Variants in PRKD2 observed in about 807,000 individuals in gnomAD.
The protein encoded by PRKD2 is serine/threonine-protein kinase D2.
A neutral mutation model predicts 86.0 loss-of-function variants in PRKD2; 22 were observed. The ratio of observed to expected loss-of-function variants is 0.26; its 90% confidence interval spans 0.18 to 0.37. The LOEUF is 0.37. Among genes scored for constraint, PRKD2 ranks in the 10% least tolerant of loss-of-function variants. PRKD2 has a pLI of 1.00. For missense variants in PRKD2, 818 were observed against 1,199.2 expected (o/e 0.68, Z 4.70); for synonymous variants, 509 against 510.9 (o/e 1.00, Z 0.05).
In PRKD2 at chr19:46,713,922, T is replaced by C; in HGVS notation, c.320A>G (p.Gln107Arg). The change falls in exon 2 of 18, where the codon CAG becomes CGG. Residue 107 changes from glutamine to arginine, a missense_variant. Around this residue, in one of 5 missense-constraint regions of PRKD2, gnomAD observed 403 missense variants for 518.6 expected, o/e 0.78. Transcript: ENST00000291281. ...GATGTCTCCGGACGAGCGCACCAGC[T>C]GCAGGAGGTTGGCCGACGTGGGGTC... ...KHDPTSANLL[Q>R]LVRSSGDIQE... The C allele has an allele frequency of 3.1e-6, 5 of 1,612,660 alleles. No individual in the cohort carries two copies. The highest frequency in any genetic ancestry group is 4.2e-6 in the Non-Finnish European group (5 of 1,179,464).
intron 2 of PRKD2, among the ~76,000 whole-genome samples, chr19:46,711,341 C>T (rs539380428): frequency 6.6e-6 from 1 of 152,158 alleles, no homozygotes; most frequent in East Asian, 1.9e-4. Context: ...CAACAGTGTG[C>T]GTGAACTTTA....
intron 1 of PRKD2, 85 bp from the exon 2 acceptor site, chr19:46,714,086 G>A: frequency 2.7e-6 from 4 of 1,502,128 alleles, no homozygotes; most frequent in Non-Finnish European, 2.7e-6. Flanking sequence ...CCAGGGCAGG[G>A]CCGGCTGTTT....
intron 9 of PRKD2, among the ~76,000 whole-genome samples, chr19:46,696,690 G>C (rs1178826007): frequency 6.6e-6 from 1 of 152,112 alleles, no homozygotes; most frequent in Non-Finnish European, 1.5e-5. Context: ...GGGAAGCGGA[G>C]GTTGCAGTGA....
chr19:46,698,391 G>C (rs962722892), intron 7 of PRKD2, among the ~76,000 whole-genome samples: 2 of 152,140 alleles, frequency 1.3e-5, no homozygotes, highest in Non-Finnish European at 2.9e-5. Flanking sequence ...TCTGTAGTAG[G>C]CCTTTCTGAA....
chr19:46,712,221 G>A (rs1437955546), intron 2 of PRKD2, among the ~76,000 whole-genome samples: 1 of 151,954 alleles, frequency 6.6e-6, no homozygotes. Flanking sequence ...TCCAGCCTGG[G>A]TGACAGAACA....
At chr19:46,687,317 G>A (rs975702120) in intron 14 of PRKD2, among the ~76,000 whole-genome samples, 11 of 151,994 alleles carry the variant, frequency 7.2e-5, no homozygotes, top group Admixed American at 1.3e-4. Context: ...GCTTGAACCC[G>A]GGAGGTCAAG....
At chr19:46,691,117 T>C (rs978907684) in intron 12 of PRKD2, among the ~76,000 whole-genome samples, 6 of 152,108 alleles carry the variant, frequency 3.9e-5, no homozygotes, top group Middle Eastern at 3.2e-3. Flanking sequence ...CCCTGTCCTA[T>C]TGAACTCTAG....
At chr19:46,703,900 C>T (rs550237517) in intron 5 of PRKD2, among the ~76,000 whole-genome samples, 100 of 151,548 alleles carry the variant, frequency 6.6e-4, no homozygotes, top group African/African-American at 1.4e-3. Flanking sequence ...GCCGTGATTG[C>T]GCCACTGCAC....
intron 10 of PRKD2, among the ~76,000 whole-genome samples, chr19:46,692,377 T>C (rs150126827): frequency 2.0e-5 from 3 of 151,852 alleles, no homozygotes; most frequent in African/African-American, 7.3e-5. Flanking sequence ...TCCCTTGAAC[T>C]TTTCCCCCTA....
In PRKD2 at chr19:46,680,941, TA is replaced by T. The variant is rs1160775862; in HGVS notation, c.2070+708del. On this transcript the variant is annotated intron_variant, in intron 15 of 17. Coordinates refer to ENST00000291281, the MANE Select transcript of PRKD2 (RefSeq NM_016457.5). ...GGGATAAACTATATATATATATATA[TA>T]TATATTTTTTTTTTTTTTTTTGAGA... is the stretch of plus-strand genomic sequence containing the variant. 8.7e-3 allele frequency among the ~76,000 whole-genome samples: 521 copies of T among 59,740 alleles called. 12 individuals are homozygous for T. Among genetic ancestry groups the T allele is most frequent in the African/African-American group, 0.019 (351 of 18,106 alleles). 39.2% of individuals were successfully genotyped at this position (59,740 alleles called of 152,430 possible). A position where few individuals can be genotyped will look rare whatever the true frequency, so the allele number is the denominator to read the frequency against.
intron 5 of PRKD2, among the ~76,000 whole-genome samples, chr19:46,702,860 A>G (rs953015831): frequency 6.6e-6 from 1 of 151,736 alleles, no homozygotes. Flanking sequence ...GCTAATTTTT[A>G]ATTTTTTTTG....
At chr19:46,699,797 T>C (rs1173801328) in intron 7 of PRKD2, among the ~76,000 whole-genome samples, 1 of 151,686 alleles carries the variant, frequency 6.6e-6, no homozygotes, top group African/African-American at 2.4e-5. Flanking sequence ...TAAAAATGTG[T>C]AGGCTGGGGG....
chr19:46,689,727 C>T (rs1449224291), intron 13 of PRKD2, 29 bp from the exon 14 acceptor site: 2 of 1,612,720 alleles, frequency 1.2e-6, no homozygotes, highest in African/African-American at 1.3e-5. Context: ...GGTCAGGGCC[C>T]AGGTAACCCA....
chr19:46,704,689 C>G, intron 3 of PRKD2, 40 bp from the exon 4 acceptor site: 1 of 1,558,258 alleles, frequency 6.4e-7, no homozygotes, highest in Non-Finnish European at 8.7e-7. Context: ...TGGCGTCTGC[C>G]CCTCCTAGGT....
At chr19:46,690,306 C>T (rs1270407533) in intron 13 of PRKD2, among the ~76,000 whole-genome samples, 2 of 152,182 alleles carry the variant, frequency 1.3e-5, no homozygotes, top group Non-Finnish European at 2.9e-5. Context: ...TGATCCTGCC[C>T]CTCCCTTGCT....
At chr19:46,680,535 C>T (rs566955948) in intron 15 of PRKD2, among the ~76,000 whole-genome samples, 7 of 151,912 alleles carry the variant, frequency 4.6e-5, no homozygotes, top group African/African-American at 1.7e-4. Context: ...GTGATCTGCC[C>T]GCCTCAGCCT....
rs530071832 is a variant in PRKD2, at chr19:46,714,036, GCTCAGAGCCGC to G, written c.241-46_241-36del. The G allele has an allele frequency of 4.0e-4, 649 of 1,604,842 alleles. 3 individuals carry two copies. The African/African-American group carries it at 7.9e-3, about 20-fold the overall frequency. ...GGGAGAGGGATGTGGCGACGGAAAAGCTCAGAGCCGCCTTCAGCAGCGGGCGGACTGTGACC... is the reference window on the plus strand; with the variant it reads ...GGGAGAGGGATGTGGCGACGGAAAAGCTTCAGCAGCGGGCGGACTGTGACC... On this transcript the variant is annotated intron_variant, in intron 1 of 17. Coordinates refer to ENST00000291281, the MANE Select transcript of PRKD2 (RefSeq NM_016457.5).
chr19:46,695,128 C>T (rs1220394580), intron 9 of PRKD2, among the ~76,000 whole-genome samples: 2 of 152,004 alleles, frequency 1.3e-5, no homozygotes, highest in Non-Finnish European at 2.9e-5. Context: ...GCCAGGGAGG[C>T]AGAGGTTACA....
At chr19:46,704,075 C>G in intron 5 of PRKD2, 94 bp downstream of exon 5, 1 of 1,547,306 alleles carries the variant, frequency 6.5e-7, no homozygotes, top group South Asian at 1.2e-5. Flanking sequence ...CCCTGGGGTC[C>G]CAAGGCTCAG....
Sources: gnomAD v4.1 joint callset for allele counts (sites outside exome capture counted in the v4.1 genomes callset) on GRCh38, gnomAD v4.1.1 for gene constraint, gnomAD v4.1.1 regional missense constraint, MANE v1.5 for transcripts, NCBI Gene and HGNC (gene_info 2026-07-23, HGNC 2026-07-21) for gene names.